The following KCNN2 variants were observed in gnomAD, a reference collection of about 807,000 sequenced individuals.
KCNN2 encodes the protein potassium calcium-activated channel subfamily N member 2.
Under a neutral mutation model 55.5 loss-of-function variants are expected in KCNN2, and 24 were observed. That is an observed-to-expected ratio of 0.43 (90% CI 0.31 to 0.61). The LOEUF is 0.61. Among genes scored for constraint, KCNN2 ranks in the 20% least tolerant of loss-of-function variants. KCNN2 has a pLI of 0.08. For missense variants in KCNN2, 754 were observed against 853.6 expected, an observed-to-expected ratio of 0.88 and a Z score of 1.45; for synonymous variants, 431 against 336.1, an observed-to-expected ratio of 1.28 and a Z score of -3.09.
At chr5:114,344,702 C>T (rs557816113) in intron 2 of KCNN2, among the ~76,000 whole-genome samples, 49 of 152,320 alleles carry the variant, frequency 3.2e-4, no homozygotes, top group African/African-American at 1.2e-3. Context: ...ACACTCCTAT[C>T]ACTTGGGAGA....
chr5:114,477,947 A>T (rs779950033), intron 5 of KCNN2, among the ~76,000 whole-genome samples: 8 of 152,158 alleles, frequency 5.3e-5, no homozygotes, highest in Non-Finnish European at 1.0e-4. Flanking sequence ...TTAACAAGGG[A>T]ACAGAAATTC....
At chr5:114,492,481 AT>A (rs1482819904) in intron 6 of KCNN2, among the ~76,000 whole-genome samples, 8 of 152,202 alleles carry the variant, frequency 5.3e-5, no homozygotes, top group Non-Finnish European at 1.0e-4. Flanking sequence ...TTAAGGAACA[AT>A]AAACCACACT....
At chr5:114,074,578 C>G (rs937893558) in intron 1 of KCNN2, among the ~76,000 whole-genome samples, 2 of 152,230 alleles carry the variant, frequency 1.3e-5, no homozygotes, top group African/African-American at 2.4e-5. Context: ...AAGAAAAGCA[C>G]TAGGGGCAAT....
At chr5:114,461,805 A>G (rs961083248) in intron 3 of KCNN2, among the ~76,000 whole-genome samples, 2 of 151,922 alleles carry the variant, frequency 1.3e-5, no homozygotes, top group African/African-American at 4.8e-5. Flanking sequence ...GGCTCTGGCT[A>G]GGAGCAGCCT....
intron 1 of KCNN2, among the ~76,000 whole-genome samples, chr5:114,134,292 G>C (rs916814333): frequency 4.6e-5 from 7 of 150,682 alleles, no homozygotes; most frequent in African/African-American, 1.7e-4. Context: ...CTCTTAGCTT[G>C]GGTCCTTAAT....
At chr5:114,320,586 C>A (rs1395819520) in intron 2 of KCNN2, among the ~76,000 whole-genome samples, 1 of 151,580 alleles carries the variant, frequency 6.6e-6, no homozygotes, top group African/African-American at 2.4e-5. Flanking sequence ...TGCACTCCAG[C>A]CTGGGTGACA....
intron 1 of KCNN2, among the ~76,000 whole-genome samples, chr5:114,087,457 G>A (rs907976956): frequency 2.0e-5 from 3 of 152,044 alleles, no homozygotes; most frequent in Admixed American, 6.6e-5. Flanking sequence ...TTTTGTATAT[G>A]GTAAAAGGTA....
intron 1 of KCNN2, among the ~76,000 whole-genome samples, chr5:114,170,729 A>AT (rs1000500532): frequency 1.8e-4 from 28 of 151,742 alleles, no homozygotes; most frequent in African/African-American, 6.5e-4. Context: ...CTGTCTCTCA[A>AT]TTTTTTTCCA....
At chr5:114,141,861 T>G (rs1752288234) in intron 1 of KCNN2, among the ~76,000 whole-genome samples, 1 of 152,226 alleles carries the variant, frequency 6.6e-6, no homozygotes, top group Non-Finnish European at 1.5e-5. Flanking sequence ...TGATTTTGAT[T>G]TGCATTTCTC....
rs916410604 is a variant in KCNN2 at position 114,238,955 on chromosome 5, G to A, written c.-185+17390G>A. 2.0e-5 allele frequency among the ~76,000 whole-genome samples: 3 copies of A among 152,092 alleles called. No homozygotes were observed. In the East Asian group the frequency reaches 5.8e-4, roughly 29 times the overall value. On this transcript the variant is annotated intron_variant, in intron 2 of 10. Coordinates refer to the KCNN2 transcript ENST00000512097. ...ATAATGTCTTTATCATCTAGTTACT[G>A]TTCTACATCTCATCTCCTGGTGGTA...
chr5:114,331,173 A>C (rs1442192342), intron 2 of KCNN2, among the ~76,000 whole-genome samples: 4 of 152,200 alleles, frequency 2.6e-5, no homozygotes, highest in Admixed American at 6.5e-5. Context: ...ATTTTGAGTC[A>C]TAGATAAGAA....
chr5:114,393,274 CATCTT>C (rs1293759173), intron 2 of KCNN2, among the ~76,000 whole-genome samples: 2 of 152,076 alleles, frequency 1.3e-5, no homozygotes, highest in African/African-American at 4.8e-5. Context: ...TTAACCAAGA[CATCTT>C]ATTTATTTTT....
chr5:114,166,918 G>A (rs1183693281), intron 1 of KCNN2, among the ~76,000 whole-genome samples: 1 of 152,064 alleles, frequency 6.6e-6, no homozygotes, highest in African/African-American at 2.4e-5. Context: ...GATACAAATA[G>A]AAGCTGGCTA....
chr5:114,147,823 C>T (rs1332841827), intron 1 of KCNN2, among the ~76,000 whole-genome samples: 11 of 152,094 alleles, frequency 7.2e-5, no homozygotes, highest in Non-Finnish European at 1.0e-4. Flanking sequence ...CTTAATGGCG[C>T]GAGCTTCTAG....
chr5:114,360,191 C>A (rs1757376798), upstream of KCNN2, among the ~76,000 whole-genome samples: 1 of 152,084 alleles, frequency 6.6e-6, no homozygotes, highest in South Asian at 2.1e-4. Context: ...CACCCCCCAC[C>A]CCTTTTTTTC....
At chr5:114,470,086 C>G (rs910777184) in intron 4 of KCNN2, among the ~76,000 whole-genome samples, 14 of 152,180 alleles carry the variant, frequency 9.2e-5, no homozygotes, top group African/African-American at 3.4e-4. Context: ...TAATGCATGT[C>G]TTAGATGACA....
At chr5:114,461,937 A>G (rs1761222404) in intron 3 of KCNN2, among the ~76,000 whole-genome samples, 1 of 152,196 alleles carries the variant, frequency 6.6e-6, no homozygotes, top group African/African-American at 2.4e-5. Context: ...TTGCAGAGCA[A>G]GAAATGAGGA....
intron 2 of KCNN2, among the ~76,000 whole-genome samples, chr5:114,295,807 C>T (rs897703259): frequency 3.3e-5 from 5 of 152,200 alleles, no homozygotes; most frequent in Admixed American, 3.3e-4. Flanking sequence ...ACACTGGGAG[C>T]TGTAGACTGG....
At chr5:114,374,290 T>A (rs776731721) in intron 2 of KCNN2, among the ~76,000 whole-genome samples, 2 of 152,132 alleles carry the variant, frequency 1.3e-5, no homozygotes, top group Non-Finnish European at 2.9e-5. Context: ...ATAATTTGGA[T>A]GATGGAAAAT....
Sources: allele counts gnomAD v4.1 joint callset (sites outside exome capture counted in the v4.1 genomes callset), GRCh38; gene constraint gnomAD v4.1.1; transcripts MANE v1.5; gene names NCBI Gene and HGNC (gene_info 2026-07-23, HGNC 2026-07-21).